Variants in AP3B1 observed in about 807,000 individuals in gnomAD.
AP3B1 encodes the protein AP-3 complex subunit beta-1.
A neutral mutation model predicts 132.5 loss-of-function variants in AP3B1; 61 were observed. That is an observed-to-expected ratio of 0.46 (90% confidence interval 0.37 to 0.57). The LOEUF is 0.57. Among genes scored for constraint, AP3B1 ranks in the 20% least tolerant of loss-of-function variants. AP3B1 has a pLI of 0.00. For synonymous variants in AP3B1, 388 were observed against 438.3 expected, an observed-to-expected ratio of 0.89 and a Z score of 1.43; for missense variants, 1,120 against 1,289.4, an observed-to-expected ratio of 0.87 and a Z score of 2.01.
At chr5:78,118,630 G>A (rs1057074554) in intron 17 of AP3B1, among the ~76,000 whole-genome samples, 16 of 152,354 alleles carry the variant, frequency 1.1e-4, no homozygotes, top group African/African-American at 3.8e-4. Context: ...TGGGGGAGGG[G>A]CGCCTGCCAT....
chr5:78,162,687 C>T, intron 13 of AP3B1, 132 bp downstream of exon 13: 2 of 930,350 alleles, frequency 2.1e-6, no homozygotes, highest in Admixed American at 2.3e-5. Flanking sequence ...TAAAATGCTA[C>T]TTATTGTGAC....
In AP3B1 at chr5:78,241,422, A is replaced by T. The variant is rs534552828; in HGVS notation, c.205-486T>A. On this transcript the variant is annotated intron_variant, in intron 2 of 26. Coordinates refer to ENST00000255194, the MANE Select transcript of AP3B1 (RefSeq NM_003664.5). ...TGCCCAGGCTGGGTAAAAACTTTTT[A>T]AAAATATTTAAAAATATTTTTGCTA... Among the ~76,000 whole-genome samples, 14 of 152,264 alleles carry T rather than the reference A, an allele frequency of 9.2e-5. No individual in the cohort carries two copies. In the East Asian group the frequency reaches 1.7e-3, roughly 19 times the overall value.
chr5:78,175,962 T>A, intron 9 of AP3B1, 124 bp from the exon 10 acceptor site: 1 of 808,884 alleles, frequency 1.2e-6, no homozygotes, highest in Non-Finnish European at 2.1e-6. Context: ...AATGTAATAA[T>A]GAAAAGTTTT....
At chr5:78,126,016 G>C (rs1010090884) in intron 17 of AP3B1, among the ~76,000 whole-genome samples, 2 of 151,488 alleles carry the variant, frequency 1.3e-5, no homozygotes, top group Non-Finnish European at 2.9e-5. Context: ...CAAGGAGGGA[G>C]AGATAAGGCG....
chr5:78,248,951 G>A (rs948408855), intron 2 of AP3B1, among the ~76,000 whole-genome samples: 4 of 151,782 alleles, frequency 2.6e-5, no homozygotes, highest in Admixed American at 6.6e-5. Context: ...ATTTTTTCCC[G>A]CTACTTTCAA....
At chr5:78,257,102 C>T (rs770490972) in intron 2 of AP3B1, among the ~76,000 whole-genome samples, 4 of 152,064 alleles carry the variant, frequency 2.6e-5, no homozygotes, top group Non-Finnish European at 5.9e-5. Flanking sequence ...TTCCTATAAG[C>T]TCTGGAACAC....
chr5:78,260,229 T>G (rs954858876), intron 2 of AP3B1, among the ~76,000 whole-genome samples: 2 of 152,080 alleles, frequency 1.3e-5, no homozygotes, highest in African/African-American at 4.8e-5. Flanking sequence ...TTTGAAAGAA[T>G]GCCATCTACA....
intron 2 of AP3B1, among the ~76,000 whole-genome samples, chr5:78,258,913 T>G (rs769291521): frequency 2.6e-5 from 4 of 152,106 alleles, no homozygotes; most frequent in Non-Finnish European, 5.9e-5. Flanking sequence ...GAAATGAAGA[T>G]CTTGTTAAGT....
chr5:78,260,887 T>C, intron 2 of AP3B1, among the ~76,000 whole-genome samples: 1 of 152,226 alleles, frequency 6.6e-6, no homozygotes, highest in Admixed American at 6.5e-5. Context: ...GTCTGGCTTA[T>C]TTGACTCAGC....
At chr5:78,051,680 A>C (rs1440117814) in intron 22 of AP3B1, among the ~76,000 whole-genome samples, 1 of 152,148 alleles carries the variant, frequency 6.6e-6, no homozygotes, top group Non-Finnish European at 1.5e-5. Flanking sequence ...AAGTATTATC[A>C]ATCCATTCTG....
intron 17 of AP3B1, among the ~76,000 whole-genome samples, chr5:78,126,620 T>C (rs1752478862): frequency 6.6e-6 from 1 of 151,114 alleles, no homozygotes. Context: ...CAAGGAGGGA[T>C]AGACATGTAA....
chr5:78,096,135 C>A (rs532239246), intron 21 of AP3B1, among the ~76,000 whole-genome samples: 3 of 152,282 alleles, frequency 2.0e-5, no homozygotes, highest in South Asian at 2.1e-4. Flanking sequence ...CTCAGCCTGC[C>A]GAGTGCCTGC....
intron 1 of AP3B1, among the ~76,000 whole-genome samples, chr5:78,285,769 T>C (rs892976532): frequency 6.6e-6 from 1 of 152,204 alleles, no homozygotes; most frequent in Non-Finnish European, 1.5e-5. Flanking sequence ...CCTTGATATC[T>C]TTTCTCCCAC....
intron 14 of AP3B1, among the ~76,000 whole-genome samples, chr5:78,152,073 T>C (rs1480201437): frequency 1.7e-5 from 2 of 117,414 alleles, no homozygotes; most frequent in African/African-American, 6.8e-5. Context: ...TTCCTTCCCT[T>C]CCCTCTCCCT....
intron 7 of AP3B1, among the ~76,000 whole-genome samples, chr5:78,214,639 T>C (rs1293775639): frequency 1.3e-5 from 2 of 152,144 alleles, no homozygotes; most frequent in Non-Finnish European, 2.9e-5. Flanking sequence ...TTGAAAGGAA[T>C]TGGCTGAAAT....
chr5:78,076,891 T>C (rs1378601547), intron 22 of AP3B1, among the ~76,000 whole-genome samples: 2 of 152,200 alleles, frequency 1.3e-5, no homozygotes, highest in Non-Finnish European at 2.9e-5. Context: ...CCTAGGTGTG[T>C]CTTCGTTTGG....
At chr5:78,133,616 C>T (rs1029838188) in intron 15 of AP3B1, among the ~76,000 whole-genome samples, 2 of 152,260 alleles carry the variant, frequency 1.3e-5, no homozygotes, top group East Asian at 1.9e-4. Context: ...ACAATCATGA[C>T]ATTTTAATAT....
At chr5:78,067,332 T>C (rs1749335749) in intron 22 of AP3B1, among the ~76,000 whole-genome samples, 2 of 152,218 alleles carry the variant, frequency 1.3e-5, no homozygotes, top group African/African-American at 2.4e-5. Context: ...GTGACTTTAA[T>C]ATCCCACTGT....
At chr5:78,028,055 G>A (rs1187212021) in intron 24 of AP3B1, among the ~76,000 whole-genome samples, 1 of 152,078 alleles carries the variant, frequency 6.6e-6, no homozygotes, top group East Asian at 1.9e-4. Flanking sequence ...GAACCTGGGA[G>A]GCAGAGGTTG....
Sources: allele counts gnomAD v4.1 joint callset (sites outside exome capture counted in the v4.1 genomes callset), GRCh38; gene constraint gnomAD v4.1.1; transcripts MANE v1.5; gene names NCBI Gene and HGNC (gene_info 2026-07-23, HGNC 2026-07-21).